The following NEGR1 variants were observed in gnomAD, a reference collection of about 807,000 sequenced individuals.
NEGR1 encodes IgLON family member 4.
NEGR1 carries 10 observed loss-of-function variants against 40.9 expected under a neutral mutation model. The observed-to-expected ratio is 0.24, with a 90% CI of 0.15 to 0.42. NEGR1 has a LOEUF of 0.42. Among genes scored for constraint, NEGR1 ranks in the 10% least tolerant of loss-of-function variants. NEGR1 has a pLI of 1.00. For synonymous variants in NEGR1, 185 were observed against 166.8 expected, an observed-to-expected ratio of 1.11 and a Z score of -0.84; for missense variants, 352 against 438.9, an observed-to-expected ratio of 0.80 and a Z score of 1.77.
intron 6 of NEGR1, among the ~76,000 whole-genome samples, chr1:71,427,226 C>T (rs1646434526): frequency 6.6e-6 from 1 of 152,170 alleles, no homozygotes; most frequent in African/African-American, 2.4e-5. Context: ...CTACATGACC[C>T]AGACTGTAAT....
intron 3 of NEGR1, among the ~76,000 whole-genome samples, chr1:71,775,022 C>T (rs188978020): frequency 5.3e-5 from 8 of 152,214 alleles, no homozygotes; most frequent in Admixed American, 3.9e-4. Flanking sequence ...ATTTTTAGAT[C>T]CCTCATCAGT....
At chr1:71,652,411 G>A (rs1266044049) in intron 4 of NEGR1, among the ~76,000 whole-genome samples, 1 of 152,020 alleles carries the variant, frequency 6.6e-6, no homozygotes, top group East Asian at 1.9e-4. Flanking sequence ...TCAGCAACAT[G>A]GTCAAATCTA....
rs1397472382 is a variant in NEGR1, at chr1:71,609,630, A to C, written c.788+1396T>G. Among the ~76,000 whole-genome samples, 3 of 148,828 alleles carry C rather than the reference A, an allele frequency of 2.0e-5. No individual in the cohort carries two copies. In the Admixed American group the frequency reaches 2.0e-4, roughly 10 times the overall value. On this transcript the variant is annotated intron_variant, in intron 5 of 6. Coordinates refer to ENST00000357731, the MANE Select transcript of NEGR1 (RefSeq NM_173808.3). ...TTAAAAAGGGATATTGTCTTCCACA[A>C]ATCTTTTGATTCCAGTTCCAGAAAA...
rs142467234 is a variant in NEGR1, at chr1:72,133,690, A to C, written c.176+148629T>G. On this transcript the variant is annotated intron_variant, in intron 1 of 6. Coordinates refer to ENST00000357731, the MANE Select transcript of NEGR1 (RefSeq NM_173808.3). ...CAAATATTTTTAGGTAAAAACTGAA[A>C]ATATTTTAGCAGAGATTCATTAGCA... Among the ~76,000 whole-genome samples, 1,138 of 151,894 alleles carry C rather than the reference A, an allele frequency of 7.5e-3. 16 individuals are homozygous for C. The highest frequency in any genetic ancestry group is 0.026 in the African/African-American group (1,097 of 41,554).
intron 6 of NEGR1, among the ~76,000 whole-genome samples, chr1:71,568,536 GTTACCAT>G (rs1648694645): frequency 6.6e-6 from 1 of 152,106 alleles, no homozygotes; most frequent in Non-Finnish European, 1.5e-5. Flanking sequence ...ATTTATTGAA[GTTACCAT>G]GTGACAAGTT....
chr1:71,959,200 C>T (rs913169845), intron 1 of NEGR1, among the ~76,000 whole-genome samples: 6 of 152,100 alleles, frequency 3.9e-5, no homozygotes, highest in African/African-American at 1.4e-4. Flanking sequence ...TTCTCAAATT[C>T]ATCTACCTAA....
chr1:72,239,652 C>T (rs995605881), intron 1 of NEGR1, among the ~76,000 whole-genome samples: 1 of 151,570 alleles, frequency 6.6e-6, no homozygotes, highest in African/African-American at 2.4e-5. Flanking sequence ...AAATATATTA[C>T]AGGATAAACC....
intron 1 of NEGR1, among the ~76,000 whole-genome samples, chr1:71,960,143 C>T (rs952367219): frequency 6.6e-6 from 1 of 152,036 alleles, no homozygotes; most frequent in African/African-American, 2.4e-5. Flanking sequence ...TTTCTTTAAG[C>T]TTAAAAAAAT....
intron 6 of NEGR1, among the ~76,000 whole-genome samples, chr1:71,435,778 G>A (rs1646505352): frequency 6.6e-6 from 1 of 152,192 alleles, no homozygotes; most frequent in African/African-American, 2.4e-5. Context: ...TCTTGGAAGA[G>A]GTGCATCAAT....
chr1:71,612,258 G>C (rs1307426648), intron 4 of NEGR1, among the ~76,000 whole-genome samples: 18 of 152,134 alleles, frequency 1.2e-4, no homozygotes, highest in Non-Finnish European at 2.6e-4. Context: ...GTATTGCACT[G>C]TATCATGTAC....
chr1:71,609,514 CAAAAAAAAAAAAAAAAAAAAAA>C (rs61728217), intron 5 of NEGR1, among the ~76,000 whole-genome samples: 2,027 of 24,052 alleles, frequency 0.084, 61 homozygotes, highest in East Asian at 0.3. Context: ...GACTCCGTCT[CAAAAAAAAAAAAAAAAAAAAAA>C]AAAAAAAAAA....
Position 71,904,327 on chromosome 1 carries a change from A to G in NEGR1, c.409+30752T>C, listed in dbSNP as rs186459112. ...CATTATTAATAACTATTATGTGCCA[A>G]TTCCGCACAAGTGGACATAATTATT... On this transcript the variant is annotated intron_variant, in intron 2 of 6. Transcript: ENST00000357731. 1.2e-3 allele frequency among the ~76,000 whole-genome samples: 187 copies of G among 152,204 alleles called. 2 individuals carry two copies. The highest frequency in any genetic ancestry group is 1.9e-3 in the Non-Finnish European group (132 of 67,946).
intron 5 of NEGR1, among the ~76,000 whole-genome samples, chr1:71,604,952 G>C (rs986215618): frequency 1.3e-5 from 2 of 152,086 alleles, no homozygotes; most frequent in African/African-American, 4.8e-5. Context: ...CATTTTGTAG[G>C]TACACAGCTT....
At chr1:71,468,217 T>A (rs1646759117) in intron 6 of NEGR1, 1 of 152,022 alleles carries the variant, frequency 6.6e-6, no homozygotes, top group South Asian at 2.1e-4. Context: ...ATTTAGTTTG[T>A]TAGTTTAGTC....
At chr1:72,241,425 T>C (rs1329795726) in intron 1 of NEGR1, among the ~76,000 whole-genome samples, 2 of 151,536 alleles carry the variant, frequency 1.3e-5, no homozygotes, top group Admixed American at 1.3e-4. Flanking sequence ...AAGGGCTTTG[T>C]TTTTTTCTTT....
chr1:71,457,654 G>C (rs1646683135), intron 6 of NEGR1, among the ~76,000 whole-genome samples: 1 of 152,046 alleles, frequency 6.6e-6, no homozygotes, highest in Non-Finnish European at 1.5e-5. Flanking sequence ...ATTTCTTTTA[G>C]TTCTTACAGC....
chr1:71,414,980 A>G (rs1428629229), intron 6 of NEGR1, among the ~76,000 whole-genome samples: 1 of 152,114 alleles, frequency 6.6e-6, no homozygotes, highest in Non-Finnish European at 1.5e-5. Context: ...AATTGGATAA[A>G]TGGCTTCAGA....
intron 2 of NEGR1, among the ~76,000 whole-genome samples, chr1:71,882,531 C>A (rs1660610247): frequency 6.6e-6 from 1 of 151,940 alleles, no homozygotes; most frequent in Non-Finnish European, 1.5e-5. Flanking sequence ...CCCATAAGAA[C>A]ACTGAATCTT....
At chr1:72,153,841 A>G (rs1405296187) in intron 1 of NEGR1, among the ~76,000 whole-genome samples, 1 of 151,992 alleles carries the variant, frequency 6.6e-6, no homozygotes, top group Non-Finnish European at 1.5e-5. Flanking sequence ...TAGCATGGAA[A>G]CAAGAATAAA....
Sources: gnomAD v4.1 joint callset for allele counts (sites outside exome capture counted in the v4.1 genomes callset) on GRCh38, gnomAD v4.1.1 for gene constraint, MANE v1.5 for transcripts, NCBI Gene and HGNC (gene_info 2026-07-23, HGNC 2026-07-21) for gene names.